Variants in LRRIQ1 observed in about 807,000 individuals in gnomAD.
LRRIQ1 encodes the protein leucine rich repeats and IQ motif containing 1, also known as leucine-rich repeat- and IQ domain-containing protein 1.
In LRRIQ1, 210 loss-of-function variants were observed where a neutral mutation model predicts 211.9. That is an observed-to-expected ratio of 0.99 (90% CI 0.89 to 1.11). The LOEUF (loss-of-function observed/expected upper bound fraction) is 1.11, where lower values mean the gene tolerates loss of function less well. Ranked by LOEUF, LRRIQ1 falls within the 50% of genes most tolerant of loss-of-function variation. The pLI, the probability that LRRIQ1 is intolerant of heterozygous loss-of-function variation, is 0.00. For synonymous variants in LRRIQ1, 699 were observed against 650.1 expected, an observed-to-expected ratio of 1.08 and a Z score of -1.14; for missense variants, 2,136 against 1,939.5, an observed-to-expected ratio of 1.10 and a Z score of -1.90.
chr12:85,201,243 CT>C (rs752459984), intron 24 of LRRIQ1, among the ~76,000 whole-genome samples: 3,691 of 110,304 alleles, frequency 0.033, 123 homozygotes, highest in African/African-American at 0.11. Flanking sequence ...TCTTTCTCTT[CT>C]TTTTTTTTTT....
intron 11 of LRRIQ1, among the ~76,000 whole-genome samples, chr12:85,081,940 C>G (rs112244824): frequency 0.036 from 5,459 of 152,020 alleles, 327 homozygotes; most frequent in African/African-American, 0.13. Context: ...CCAGGCTGGT[C>G]TCAAACTCCT....
chr12:85,230,783 C>T (rs1278003485), intron 25 of LRRIQ1, among the ~76,000 whole-genome samples: 3 of 151,576 alleles, frequency 2.0e-5, no homozygotes, highest in African/African-American at 7.3e-5. Flanking sequence ...GGCGCGGTGG[C>T]TCACGCCTGT....
chr12:85,062,035 T>G (rs1881869176), intron 8 of LRRIQ1, among the ~76,000 whole-genome samples: 1 of 151,818 alleles, frequency 6.6e-6, no homozygotes, highest in Admixed American at 6.6e-5. Flanking sequence ...AAACTTTTAG[T>G]TCAATTTAAT....
intron 10 of LRRIQ1, among the ~76,000 whole-genome samples, chr12:85,071,552 A>G (rs1565807400): frequency 2.0e-5 from 3 of 152,038 alleles, no homozygotes; most frequent in East Asian, 1.9e-4. Context: ...ATTTGTATCA[A>G]TGGGTCAAAA....
chr12:85,248,255 A>T (rs7294803), downstream of LRRIQ1, among the ~76,000 whole-genome samples: 150,374 of 151,586 alleles, frequency 0.99, 74,589 homozygotes, highest in Middle Eastern at 1. Context: ...AACTCAGGAA[A>T]CTAACTAATT....
At chr12:85,085,770 C>T (rs2136195380) in intron 11 of LRRIQ1, among the ~76,000 whole-genome samples, 1 of 152,270 alleles carries the variant, frequency 6.6e-6, no homozygotes, top group Non-Finnish European at 1.5e-5. Context: ...GACATGGTTT[C>T]ATTCTTCTTT....
chr12:85,069,675 A>G (rs1882856727), intron 10 of LRRIQ1, among the ~76,000 whole-genome samples: 1 of 151,950 alleles, frequency 6.6e-6, no homozygotes, highest in African/African-American at 2.4e-5. Context: ...TTTGATTTGC[A>G]TTTCTCTGAT....
rs1886098554 is a variant in LRRIQ1 at position 85,098,566 on chromosome 12, A to T, written c.3081+18A>T. 5 of 1,570,006 alleles carry T rather than the reference A, an allele frequency of 3.2e-6. No homozygotes were observed. The South Asian group carries it at 4.7e-5, about 15-fold the overall frequency. On this transcript the variant is annotated intron_variant, in intron 12 of 26. Transcript: ENST00000393217. ...TGAGTGAGGTAATTGCTTTGAATTA[A>T]TTGATTTCTGTGATAAAGCAACACT... is the stretch of plus-strand genomic sequence containing the variant.
At chr12:85,065,004 C>T (rs957658835) in intron 8 of LRRIQ1, among the ~76,000 whole-genome samples, 1 of 151,712 alleles carries the variant, frequency 6.6e-6, no homozygotes, top group Non-Finnish European at 1.5e-5. Flanking sequence ...TGAGCTAATA[C>T]ATGATTATGT....
intron 11 of LRRIQ1, among the ~76,000 whole-genome samples, chr12:85,095,959 A>G (rs995262573): frequency 3.3e-5 from 5 of 152,090 alleles, no homozygotes; most frequent in Non-Finnish European, 5.9e-5. Context: ...AGAATTATTT[A>G]TACTACTCTC....
chr12:85,039,757 A>G (rs557807731), intron 2 of LRRIQ1, among the ~76,000 whole-genome samples: 99 of 151,714 alleles, frequency 6.5e-4, no homozygotes, highest in Non-Finnish European at 1.1e-3. Context: ...ATATCGTTTC[A>G]TTGATGCCAT....
At chr12:85,050,312 C>A (rs1334893001) in intron 6 of LRRIQ1, among the ~76,000 whole-genome samples, 1 of 152,122 alleles carries the variant, frequency 6.6e-6, no homozygotes, top group East Asian at 1.9e-4. Flanking sequence ...TTAATGAATT[C>A]CCTAATGTGT....
chr12:85,083,156 G>A (rs1192534828), intron 11 of LRRIQ1, among the ~76,000 whole-genome samples: 1 of 152,130 alleles, frequency 6.6e-6, no homozygotes, highest in Non-Finnish European at 1.5e-5. Flanking sequence ...CACCTTAGGT[G>A]CATTTTGAAT....
chr12:85,128,986 T>G (rs966904143), intron 18 of LRRIQ1, among the ~76,000 whole-genome samples: 1 of 152,106 alleles, frequency 6.6e-6, no homozygotes, highest in Admixed American at 6.6e-5. Context: ...CCAATCCAAC[T>G]TGTTGCTAGA....
intron 2 of LRRIQ1, among the ~76,000 whole-genome samples, chr12:85,038,873 A>G (rs1055310302): frequency 6.6e-6 from 1 of 151,434 alleles, no homozygotes; most frequent in Non-Finnish European, 1.5e-5. Flanking sequence ...TGATCTATCC[A>G]AGGCTGTCTG....
At chr12:85,069,809 G>T (rs1411822893) in intron 10 of LRRIQ1, among the ~76,000 whole-genome samples, 1 of 151,994 alleles carries the variant, frequency 6.6e-6, no homozygotes, top group Non-Finnish European at 1.5e-5. Flanking sequence ...TTGTGAGTTT[G>T]TTGGAGTTCA....
Position 85,040,458 on chromosome 12 carries a change from T to A in LRRIQ1, c.133-32T>A, listed in dbSNP as rs370285393. On this transcript the variant is annotated intron_variant, in intron 2 of 26. Transcript: ENST00000393217. The stretch of plus-strand genomic sequence containing the variant: ...ACACATAATTTTGATAATAAACACT[T>A]TCACAGTTTCTTGTATTATTCAAAT... 3.0e-6 allele frequency: 4 copies of A among 1,327,056 alleles called. No homozygotes were observed. The African/African-American group carries it at 6.0e-5, about 20-fold the overall frequency. The allele number at this position is 1,327,056 out of a possible 1,614,324, so 82.2% of individuals were successfully genotyped here.
intron 7 of LRRIQ1, among the ~76,000 whole-genome samples, chr12:85,052,886 C>T (rs1264153609): frequency 3.9e-5 from 6 of 152,014 alleles, no homozygotes; most frequent in Admixed American, 3.3e-4. Flanking sequence ...TAATAGCTCA[C>T]CTATAGATAA....
chr12:85,096,905 A>G (rs1014762212), intron 11 of LRRIQ1, among the ~76,000 whole-genome samples: 15 of 152,186 alleles, frequency 9.9e-5, no homozygotes, highest in African/African-American at 3.6e-4. Context: ...GTTTATCATT[A>G]TGCAATGCCC....
Sources: gnomAD v4.1 joint callset for allele counts (sites outside exome capture counted in the v4.1 genomes callset) on GRCh38, gnomAD v4.1.1 for gene constraint, MANE v1.5 for transcripts, NCBI Gene and HGNC (gene_info 2026-07-23, HGNC 2026-07-21) for gene names.